L3MBTL4: variants seen among roughly 807,000 people sequenced by gnomAD.
L3MBTL4 encodes L3MBTL histone methyl-lysine binding protein 4, also known as lethal(3)malignant brain tumor-like protein 4.
Under a neutral mutation model 84.5 loss-of-function variants are expected in L3MBTL4, and 70 were observed. The ratio of observed to expected loss-of-function variants is 0.83; its 90% CI spans 0.68 to 1.01. L3MBTL4 has a LOEUF of 1.01. L3MBTL4 is among the 50% of genes least tolerant of loss of function. The pLI, the probability that L3MBTL4 is intolerant of heterozygous loss-of-function variation, is 0.00. For synonymous variants in L3MBTL4, 274 were observed against 259.8 expected (o/e 1.05, Z -0.52); for missense variants, 715 against 754.8 (o/e 0.95, Z 0.62).
At chr18:6,024,925 T>C (rs866602306) in intron 16 of L3MBTL4, among the ~76,000 whole-genome samples, 11 of 152,232 alleles carry the variant, frequency 7.2e-5, no homozygotes, top group Non-Finnish European at 1.6e-4. Flanking sequence ...TAAAGTTCAC[T>C]ACGCCTCCTG....
At chr18:6,032,406 A>ACACG in intron 16 of L3MBTL4, 2 of 654,682 alleles carry the variant, frequency 3.1e-6, no homozygotes, top group Non-Finnish European at 3.8e-6. Flanking sequence ...ACACACACAC[A>ACACG]CACACACACA....
intron 16 of L3MBTL4, among the ~76,000 whole-genome samples, chr18:5,989,972 C>T (rs1487740353): frequency 6.6e-6 from 1 of 152,114 alleles, no homozygotes; most frequent in East Asian, 1.9e-4. Flanking sequence ...TGGTTGGGGG[C>T]AAAGATACAA....
chr18:6,050,362 C>T (rs2056795829), intron 16 of L3MBTL4, among the ~76,000 whole-genome samples: 1 of 152,128 alleles, frequency 6.6e-6, no homozygotes, highest in Non-Finnish European at 1.5e-5. Context: ...TAGCATTTTC[C>T]TTTGAATAGA....
intron 10 of L3MBTL4, among the ~76,000 whole-genome samples, chr18:6,222,268 T>C (rs2046588225): frequency 6.6e-6 from 1 of 152,232 alleles, no homozygotes; most frequent in Non-Finnish European, 1.5e-5. Context: ...TTCTAAAGCA[T>C]AGGGAGAATT....
At chr18:6,328,231 G>A (rs1243402614) in intron 1 of L3MBTL4, among the ~76,000 whole-genome samples, 1 of 152,206 alleles carries the variant, frequency 6.6e-6, no homozygotes, top group Non-Finnish European at 1.5e-5. Context: ...TCATGCATAG[G>A]AGTAATATTA....
intron 1 of L3MBTL4, among the ~76,000 whole-genome samples, chr18:6,359,125 AACTT>A (rs1446149096): frequency 2.6e-5 from 4 of 152,242 alleles, no homozygotes; most frequent in Non-Finnish European, 4.4e-5. Flanking sequence ...AAAATTGAGT[AACTT>A]ACTTAATTCT....
intron 12 of L3MBTL4, among the ~76,000 whole-genome samples, chr18:6,174,351 C>T (rs958696778): frequency 2.0e-5 from 3 of 152,000 alleles, no homozygotes; most frequent in Non-Finnish European, 4.4e-5. Flanking sequence ...TGTTCAAAAA[C>T]TTAATTGAAA....
intron 5 of L3MBTL4, among the ~76,000 whole-genome samples, chr18:6,248,395 T>A (rs1159830402): frequency 6.6e-6 from 1 of 152,232 alleles, no homozygotes; most frequent in Non-Finnish European, 1.5e-5. Context: ...AAAGTTACAA[T>A]ATCCATTTGA....
Position 6,257,345 on chromosome 18 carries a change from G to A in L3MBTL4, c.219+6602C>T, listed in dbSNP as rs978310991. Among the ~76,000 whole-genome samples the A allele has an allele frequency of 9.9e-5, 15 of 152,170 alleles. No homozygotes were observed. The East Asian group carries it at 2.5e-3, about 26-fold the overall frequency. On this transcript the variant is annotated intron_variant, in intron 5 of 18. Transcript: ENST00000317931. ...CCAGGAGATCACAATTTCACCGAGAGACAAAATACACCCACACGTAACCAC... is the reference window on the plus strand; with the variant it reads ...CCAGGAGATCACAATTTCACCGAGAAACAAAATACACCCACACGTAACCAC...
At chr18:6,396,582 A>AC (rs2055280663) in intron 1 of L3MBTL4, 1 of 152,236 alleles carries the variant, frequency 6.6e-6, no homozygotes, top group Non-Finnish European at 1.5e-5. Context: ...CCATGTGGAA[A>AC]CCACCCCTGT....
chr18:6,150,299 A>G (rs1250766479), intron 13 of L3MBTL4, among the ~76,000 whole-genome samples: 2 of 152,154 alleles, frequency 1.3e-5, no homozygotes, highest in African/African-American at 4.8e-5. Flanking sequence ...GTACATCTAA[A>G]GCGGGAACTA....
chr18:6,098,761 C>T (rs1276620916), intron 14 of L3MBTL4, among the ~76,000 whole-genome samples: 1 of 152,092 alleles, frequency 6.6e-6, no homozygotes, highest in Admixed American at 6.5e-5. Flanking sequence ...ATTTTGCTAA[C>T]CAATTATATT....
chr18:6,021,378 A>C lies in L3MBTL4; in HGVS notation c.1445-51816T>G, dbSNP rs1464927814. 2.6e-5 allele frequency among the ~76,000 whole-genome samples: 4 copies of C among 152,226 alleles called. No individual in the cohort carries two copies. In the East Asian group the frequency reaches 5.8e-4, roughly 22 times the overall value. On this transcript the variant is annotated intron_variant, in intron 16 of 18. Transcript: ENST00000317931. ...GTAGCTGTGGGAGGCACTGCCAATAAATATATCTGAAGGGTAGCATAAAGC... is the reference window on the plus strand; with the variant it reads ...GTAGCTGTGGGAGGCACTGCCAATACATATATCTGAAGGGTAGCATAAAGC...
chr18:6,401,775 C>T (rs567252630), intron 1 of L3MBTL4, among the ~76,000 whole-genome samples: 30 of 152,194 alleles, frequency 2.0e-4, no homozygotes, highest in Non-Finnish European at 1.6e-4. Flanking sequence ...TCCAGCATCA[C>T]CAAGACCAGG....
intron 16 of L3MBTL4, among the ~76,000 whole-genome samples, chr18:6,035,963 G>T (rs2056117162): frequency 6.6e-6 from 1 of 152,160 alleles, no homozygotes; most frequent in South Asian, 2.1e-4. Flanking sequence ...TTAAAGGATG[G>T]TATTTCTGGA....
chr18:6,080,664 A>C (rs553653894), intron 16 of L3MBTL4, among the ~76,000 whole-genome samples: 1 of 152,328 alleles, frequency 6.6e-6, no homozygotes, highest in South Asian at 2.1e-4. Flanking sequence ...CATAGAGTCC[A>C]GTCCTTTTAC....
chr18:6,170,240 G>T (rs2043900395), intron 13 of L3MBTL4, among the ~76,000 whole-genome samples: 1 of 152,074 alleles, frequency 6.6e-6, no homozygotes. Flanking sequence ...TTTATCCTAG[G>T]CTCATCAGGA....
At chr18:6,204,763 G>A (rs1208290504) in intron 12 of L3MBTL4, among the ~76,000 whole-genome samples, 1 of 152,162 alleles carries the variant, frequency 6.6e-6, no homozygotes, top group Non-Finnish European at 1.5e-5. Context: ...AGTACTTGAG[G>A]GTTTGTGCCC....
chr18:6,308,209 C>T (rs675060), intron 3 of L3MBTL4, among the ~76,000 whole-genome samples: 1 of 152,130 alleles, frequency 6.6e-6, no homozygotes, highest in African/African-American at 2.4e-5. Context: ...GAAAAACCCT[C>T]TTCAAGTCTG....
Sources: gnomAD v4.1 joint callset for allele counts (sites outside exome capture counted in the v4.1 genomes callset) on GRCh38, gnomAD v4.1.1 for gene constraint, MANE v1.5 for transcripts, NCBI Gene and HGNC (gene_info 2026-07-23, HGNC 2026-07-21) for gene names.